BRD9: variants seen among roughly 807,000 people sequenced by gnomAD.
BRD9 encodes the protein bromodomain containing 9, also known as bromodomain-containing protein 9.
BRD9 carries 47 observed loss-of-function variants against 68.7 expected under a neutral mutation model. That is an observed-to-expected ratio of 0.68 (90% CI 0.54 to 0.87). The LOEUF (loss-of-function observed/expected upper bound fraction) is 0.87, where lower values mean the gene tolerates loss of function less well. Among genes scored for constraint, BRD9 ranks in the 40% least tolerant of loss-of-function variants. The probability of loss-of-function intolerance (pLI) is 0.00; values close to 1 mark genes in which losing one functional copy is unlikely to be tolerated. For missense variants in BRD9, 670 were observed against 748.4 expected, an observed-to-expected ratio of 0.90 and a Z score of 1.22; for synonymous variants, 313 against 293.9, an observed-to-expected ratio of 1.06 and a Z score of -0.67.
intron 11 of BRD9, among the ~76,000 whole-genome samples, chr5:876,573 C>T (rs889566569): frequency 6.6e-6 from 1 of 152,204 alleles, no homozygotes; most frequent in African/African-American, 2.4e-5. Flanking sequence ...GTGGGCAGTG[C>T]CTGCCGGTGA....
chr5:869,074 A>G (rs1472220512), intron 14 of BRD9: 10 of 284,926 alleles, frequency 3.5e-5, no homozygotes, highest in Non-Finnish European at 6.8e-5. Context: ...ACCAGACTTG[A>G]GCTCTATGAA....
intron 14 of BRD9, chr5:869,121 TGTAAATGAAA>T (rs1749774833): frequency 3.4e-6 from 1 of 297,080 alleles, no homozygotes; most frequent in Non-Finnish European, 6.6e-6. Context: ...GGGAAACATC[TGTAAATGAAA>T]AATAAAATTC....
At chr5:871,327 T>G (rs1355367734) in intron 13 of BRD9, among the ~76,000 whole-genome samples, 199 bp downstream of exon 13, 3 of 152,212 alleles carry the variant, frequency 2.0e-5, no homozygotes, top group Non-Finnish European at 4.4e-5. Context: ...TTTCTGGATT[T>G]GGAAGAATGT....
chr5:869,421 A>C (rs1402433637), intron 14 of BRD9: 1 of 453,708 alleles, frequency 2.2e-6, no homozygotes, highest in African/African-American at 2.0e-5. Flanking sequence ...ATTTTATCTC[A>C]AAATATATCC....
intron 14 of BRD9, chr5:866,489 AG>A (rs1749401059): frequency 6.6e-6 from 1 of 152,290 alleles, no homozygotes. Context: ...ACTTAAAGAC[AG>A]GAAGATGAGG....
intron 12 of BRD9, among the ~76,000 whole-genome samples, chr5:875,203 T>C (rs546885892): frequency 9.2e-5 from 14 of 152,354 alleles, no homozygotes; most frequent in African/African-American, 3.1e-4. Context: ...AAGCATCTTC[T>C]TCTTCCTTTT....
intron 1 of BRD9, 162 bp from the exon 2 acceptor site, chr5:892,016 T>G: frequency 8.6e-7 from 1 of 1,163,792 alleles, no homozygotes. Flanking sequence ...TGGCGGCATG[T>G]CACTGCCTCC....
chr5:871,477 T>C (rs780072998), intron 13 of BRD9, 49 bp downstream of exon 13: 8 of 1,577,484 alleles, frequency 5.1e-6, no homozygotes, highest in Middle Eastern at 1.7e-4. Context: ...GATACAACTT[T>C]CCCTGTGAGA....
Position 876,127 on chromosome 5 carries a change from A to G in BRD9, c.1357T>C (p.Ser453Pro), listed in dbSNP as rs757710538. The G allele has an allele frequency of 3.1e-6, 5 of 1,613,540 alleles. No homozygotes were observed. The Admixed American group carries it at 6.7e-5, about 22-fold the overall frequency. Reference protein sequence around the residue: ...LLDQITGGDHSRTLFQLKQRR... With the variant: ...LLDQITGGDHPRTLFQLKQRR... Reference sequence around the variant, plus strand: ...TGCTTCAGCTGGAAGAGCGTCCTAGAGTGGTCTCCGCCTGTGATCTGGTCC... The same window carrying G: ...TGCTTCAGCTGGAAGAGCGTCCTAGGGTGGTCTCCGCCTGTGATCTGGTCC... The change falls in exon 12 of 16, where the codon TCT becomes CCT. Residue 453 changes from serine (S) to proline (P), a missense_variant. Ser to Pro is a moderately conservative substitution (Grantham distance 74, BLOSUM62 -1). Coordinates refer to ENST00000467963, the MANE Select transcript of BRD9 (RefSeq NM_023924.5).
intron 8 of BRD9, chr5:883,688 G>A: frequency 1.8e-6 from 1 of 566,760 alleles, no homozygotes; most frequent in South Asian, 2.1e-5. Context: ...CTCCATCAAG[G>A]AAATGAGGTC....
Position 891,745 on chromosome 5 carries a change from GTCA to G in BRD9, c.159_161del (p.Asp54del), listed in dbSNP as rs1385413967. Reference sequence around the variant, plus strand: ...GCCTCTCTCGCTCATGGTCTGACCTGTCATCATAGTAACTGGAGTCGTGGCCGG... The same window carrying G: ...GCCTCTCTCGCTCATGGTCTGACCTGTCATAGTAACTGGAGTCGTGGCCGG... On this transcript the variant is annotated inframe_deletion, in exon 2 of 16. Coordinates refer to ENST00000467963, the MANE Select transcript of BRD9 (RefSeq NM_023924.5). 11 of 1,551,486 alleles carry G rather than the reference GTCA, an allele frequency of 7.1e-6. No homozygotes were observed. Among genetic ancestry groups the G allele is most frequent in the South Asian group, 1.2e-5 (1 of 84,062 alleles).
At chr5:891,936 G>A (rs1396867167) in intron 1 of BRD9, 82 bp from the exon 2 acceptor site, 3 of 1,525,232 alleles carry the variant, frequency 2.0e-6, no homozygotes, top group Non-Finnish European at 2.6e-6. Context: ...GGTGCTAAGA[G>A]GGAAAGGCCT....
At position 891,775 on chromosome 5, in the gene BRD9, T is replaced by A; in HGVS notation, c.132A>T (p.Gly44=). 6.4e-7 allele frequency: 1 copy of A among 1,551,696 alleles called. No individual in the cohort carries two copies. Among genetic ancestry groups the A allele is most frequent in the Non-Finnish European group, 8.7e-7 (1 of 1,146,990 alleles). ...CATAGTAACTGGAGTCGTGGCCGGA[T>A]CCTGAGAGTTCAGTCACTTCACTTC... ...VGGSEVTELS[G]SGHDSSYYDD... The change falls in exon 2 of 16, where the codon GGA becomes GGT. Residue 44 remains glycine (G), a synonymous_variant. Coordinates refer to ENST00000467963, the MANE Select transcript of BRD9 (RefSeq NM_023924.5).
chr5:891,760 GGA>G lies in BRD9; in HGVS notation c.145_146del (p.Ser49GlnfsTer4). 1 of 1,551,674 alleles carries G rather than the reference GGA, an allele frequency of 6.4e-7. No homozygotes were observed. Among genetic ancestry groups the G allele is most frequent in the Non-Finnish European group, 8.7e-7 (1 of 1,147,012 alleles). Reference sequence around the variant, plus strand: ...GGTCTGACCTGTCATCATAGTAACTGGAGTCGTGGCCGGATCCTGAGAGTTCA... The same window carrying G: ...GGTCTGACCTGTCATCATAGTAACTGGTCGTGGCCGGATCCTGAGAGTTCA... ...VTELSGSGHD[S>X]SYYDDRSDHE... On this transcript the variant is annotated frameshift_variant, in exon 2 of 16. Transcript: ENST00000467963. LOFTEE classifies it high-confidence loss of function.
chr5:877,667 G>A (rs536466414), intron 11 of BRD9, among the ~76,000 whole-genome samples: 2 of 152,168 alleles, frequency 1.3e-5, no homozygotes, highest in Non-Finnish European at 2.9e-5. Context: ...TGTGATTTTA[G>A]TATTATACTT....
At chr5:873,592 G>A (rs1452090906) in intron 12 of BRD9, among the ~76,000 whole-genome samples, 14 of 152,226 alleles carry the variant, frequency 9.2e-5, no homozygotes, top group African/African-American at 2.9e-4. Flanking sequence ...ATCTACCCCC[G>A]CTTTACAAGC....
intron 12 of BRD9, among the ~76,000 whole-genome samples, chr5:874,151 A>G (rs796468664): frequency 9.2e-5 from 14 of 152,250 alleles, no homozygotes; most frequent in African/African-American, 3.4e-4. Flanking sequence ...TCTATTGCCT[A>G]GAGTGCGGTG....
intron 11 of BRD9, among the ~76,000 whole-genome samples, chr5:876,449 T>C (rs988346709): frequency 2.0e-5 from 3 of 152,168 alleles, no homozygotes; most frequent in Non-Finnish European, 2.9e-5. Flanking sequence ...TGAATACACA[T>C]GCACACAGCC....
At chr5:885,579 C>T (rs1405966234) in intron 7 of BRD9, among the ~76,000 whole-genome samples, 1 of 152,252 alleles carries the variant, frequency 6.6e-6, no homozygotes, top group Admixed American at 6.5e-5. Flanking sequence ...CAATACACTT[C>T]AGCAGAAACC....
Sources: allele counts gnomAD v4.1 joint callset (sites outside exome capture counted in the v4.1 genomes callset), GRCh38; gene constraint gnomAD v4.1.1; transcripts MANE v1.5; gene names NCBI Gene and HGNC (gene_info 2026-07-23, HGNC 2026-07-21).